The following SGCZ variants were observed in gnomAD, a reference collection of about 807,000 sequenced individuals.
SGCZ encodes the protein sarcoglycan zeta.
Under a neutral mutation model 41.3 loss-of-function variants are expected in SGCZ, and 40 were observed. That is an observed-to-expected ratio of 0.97 (90% CI 0.75 to 1.26). The LOEUF is 1.26. SGCZ is among the 50% of genes most tolerant of loss of function. The pLI, the probability that SGCZ is intolerant of heterozygous loss-of-function variation, is 0.00. For synonymous variants in SGCZ, 206 were observed against 137.5 expected (o/e 1.50, Z -3.49); for missense variants, 552 against 369.8 (o/e 1.49, Z -4.04).
intron 5 of SGCZ, among the ~76,000 whole-genome samples, chr8:14,118,089 G>A (rs971111298): frequency 3.9e-5 from 6 of 151,902 alleles, no homozygotes; most frequent in Non-Finnish European, 5.9e-5. Flanking sequence ...AATCCTCTAG[G>A]TATATAACCA....
chr8:14,728,420 A>G, intron 1 of SGCZ, among the ~76,000 whole-genome samples: 1 of 151,820 alleles, frequency 6.6e-6, no homozygotes, highest in Non-Finnish European at 1.5e-5. Flanking sequence ...AAATTAATGC[A>G]GTAAAAAGCA....
At chr8:14,978,004 G>A (rs553349059) in intron 1 of SGCZ, among the ~76,000 whole-genome samples, 1 of 151,554 alleles carries the variant, frequency 6.6e-6, no homozygotes, top group Admixed American at 6.6e-5. Context: ...ATGATGTCAT[G>A]CTATCATCTT....
chr8:15,075,031 G>A (rs966494755), intron 1 of SGCZ, among the ~76,000 whole-genome samples: 1 of 152,090 alleles, frequency 6.6e-6, no homozygotes, highest in South Asian at 2.1e-4. Context: ...AGCTTGTCAC[G>A]GAGCATGCCC....
intron 1 of SGCZ, among the ~76,000 whole-genome samples, chr8:14,772,644 G>A (rs1800281754): frequency 7.3e-6 from 1 of 136,902 alleles, no homozygotes; most frequent in South Asian, 2.2e-4. Context: ...TGTTCTCACT[G>A]TTCAATTCCC....
intron 5 of SGCZ, among the ~76,000 whole-genome samples, chr8:14,151,669 A>G (rs929621598): frequency 3.3e-5 from 5 of 152,158 alleles, no homozygotes; most frequent in Admixed American, 1.3e-4. Context: ...ATATTGAAAT[A>G]AAGAATACAG....
chr8:14,777,182 T>A (rs2252460), intron 1 of SGCZ, among the ~76,000 whole-genome samples: 1 of 151,980 alleles, frequency 6.6e-6, no homozygotes, highest in East Asian at 1.9e-4. Context: ...AGTTAATCCA[T>A]CCTAAGAGAA....
chr8:14,618,457 C>A (rs1023293016), intron 1 of SGCZ, among the ~76,000 whole-genome samples: 1 of 152,130 alleles, frequency 6.6e-6, no homozygotes, highest in Non-Finnish European at 1.5e-5. Flanking sequence ...AAGGCAGAAA[C>A]AATCCTGGCA....
chr8:14,890,575 T>C (rs1019515384), intron 1 of SGCZ, among the ~76,000 whole-genome samples: 1 of 152,166 alleles, frequency 6.6e-6, no homozygotes, highest in Non-Finnish European at 1.5e-5. Flanking sequence ...AAAGAAACCA[T>C]CCCCATAACC....
chr8:14,109,149 T>C (rs1802297930), intron 5 of SGCZ, among the ~76,000 whole-genome samples: 1 of 152,210 alleles, frequency 6.6e-6, no homozygotes, highest in Non-Finnish European at 1.5e-5. Context: ...TAATCTAAAA[T>C]CATGAACTGC....
chr8:14,718,234 A>C (rs149679196), intron 1 of SGCZ, among the ~76,000 whole-genome samples: 1 of 151,932 alleles, frequency 6.6e-6, no homozygotes, highest in Admixed American at 6.6e-5. Context: ...TTTGAAAGTG[A>C]ATTTTTTAAT....
intron 2 of SGCZ, among the ~76,000 whole-genome samples, chr8:14,511,465 A>G (rs926577409): frequency 6.6e-6 from 1 of 152,034 alleles, no homozygotes; most frequent in Non-Finnish European, 1.5e-5. Context: ...AAGAACAAGC[A>G]TAAGTGGACC....
chr8:14,658,552 C>T (rs1807648282), intron 1 of SGCZ, among the ~76,000 whole-genome samples: 1 of 152,122 alleles, frequency 6.6e-6, no homozygotes, highest in South Asian at 2.1e-4. Flanking sequence ...CCTACACATC[C>T]TTACACTTTG....
At chr8:14,102,534 A>G (rs1802065830) in intron 6 of SGCZ, 35 bp from the exon 7 acceptor site, 1 of 1,334,530 alleles carries the variant, frequency 7.5e-7, no homozygotes, top group Non-Finnish European at 9.7e-7. Context: ...AATAGGAAAA[A>G]AAAACACAAA....
intron 3 of SGCZ, among the ~76,000 whole-genome samples, chr8:14,268,283 T>A (rs1799944485): frequency 1.3e-5 from 2 of 149,590 alleles, no homozygotes; most frequent in African/African-American, 2.4e-5. Flanking sequence ...ACTCCCAGGA[T>A]ACATATACAT....
At chr8:14,432,019 T>G (rs920078828) in intron 2 of SGCZ, among the ~76,000 whole-genome samples, 2 of 151,518 alleles carry the variant, frequency 1.3e-5, no homozygotes, top group African/African-American at 4.8e-5. Context: ...ATCCAAAAAT[T>G]AAAAAAAATA....
intron 1 of SGCZ, among the ~76,000 whole-genome samples, chr8:15,136,537 A>G (rs1585601043): frequency 6.6e-6 from 1 of 152,098 alleles, no homozygotes; most frequent in Admixed American, 6.5e-5. Flanking sequence ...AGATCCCATA[A>G]TCCTCAGGTG....
rs77920978 is a variant in SGCZ at position 14,320,671 on chromosome 8, G to A, written c.336+3432C>T. On this transcript the variant is annotated intron_variant, in intron 3 of 7. Coordinates refer to ENST00000382080, the MANE Select transcript of SGCZ (RefSeq NM_139167.4). ...CTTATTCACACCTCTGCTAACACGG[G>A]CATCCTGAGAACTCAAGACTGATGT... Among the ~76,000 whole-genome samples, 14 of 152,086 alleles carry A rather than the reference G, an allele frequency of 9.2e-5. No individual in the cohort carries two copies. In the East Asian group the frequency reaches 2.7e-3, roughly 29 times the overall value.
In SGCZ at chr8:14,181,468, A is replaced by T. The variant is rs369367579; in HGVS notation, c.425-16766T>A. Among the ~76,000 whole-genome samples, 4 of 152,280 alleles carry T rather than the reference A, an allele frequency of 2.6e-5. No homozygotes were observed. In the South Asian group the frequency reaches 6.2e-4, roughly 24 times the overall value. On this transcript the variant is annotated intron_variant, in intron 4 of 7. Coordinates refer to ENST00000382080, the MANE Select transcript of SGCZ (RefSeq NM_139167.4). ...GGTAGGTGGGCATCCCCCATCCCCA[A>T]ATCAACAGAGAACCAACATAAGCTC...
intron 2 of SGCZ, among the ~76,000 whole-genome samples, chr8:14,510,775 G>A (rs1047660801): frequency 2.6e-5 from 4 of 152,054 alleles, no homozygotes; most frequent in South Asian, 2.1e-4. Flanking sequence ...GTTGTGAATC[G>A]CATTTTGCTC....
Sources: allele counts gnomAD v4.1 joint callset (sites outside exome capture counted in the v4.1 genomes callset), GRCh38; gene constraint gnomAD v4.1.1; transcripts MANE v1.5; gene names NCBI Gene and HGNC (gene_info 2026-07-23, HGNC 2026-07-21).